Variants in ADGRB3 observed in about 807,000 individuals in gnomAD.
The protein encoded by ADGRB3 is brain-specific angiogenesis inhibitor 3.
ADGRB3 carries 37 observed loss-of-function variants against 193.4 expected under a neutral mutation model. The ratio of observed to expected loss-of-function variants is 0.19; its 90% CI spans 0.15 to 0.25. The LOEUF (loss-of-function observed/expected upper bound fraction) is 0.25, where lower values mean the gene tolerates loss of function less well. ADGRB3 is among the 10% of genes least tolerant of loss of function. ADGRB3 has a pLI of 1.00. For missense variants in ADGRB3, 1,637 were observed against 1,852.9 expected (o/e 0.88, Z 2.14); for synonymous variants, 690 against 644.2 (o/e 1.07, Z -1.08).
intron 3 of ADGRB3, among the ~76,000 whole-genome samples, chr6:68,644,913 A>G (rs1265893175): frequency 6.6e-6 from 1 of 152,178 alleles, no homozygotes; most frequent in East Asian, 1.9e-4. Context: ...ACAGCTGTAG[A>G]TTAATGTACT....
Position 69,325,042 on chromosome 6 carries a change from G to A in ADGRB3, c.2965+20G>A, listed in dbSNP as rs377255084. 6.1e-5 allele frequency: 98 copies of A among 1,601,092 alleles called. No homozygotes were observed. The highest frequency in any genetic ancestry group is 7.6e-5 in the Non-Finnish European group (89 of 1,173,114). ...GATGGGGTAAGCATATTGATATACCGTTTCATGCTCTTCTCAAAATGACGT... is the reference window on the plus strand; with the variant it reads ...GATGGGGTAAGCATATTGATATACCATTTCATGCTCTTCTCAAAATGACGT... On this transcript the variant is annotated intron_variant, in intron 21 of 31. Coordinates refer to ENST00000370598, the MANE Select transcript of ADGRB3 (RefSeq NM_001704.3).
chr6:68,984,995 A>T (rs1769029656), intron 10 of ADGRB3, among the ~76,000 whole-genome samples: 1 of 152,128 alleles, frequency 6.6e-6, no homozygotes, highest in African/African-American at 2.4e-5. Context: ...ATGAAAAGGT[A>T]TAAAACAGTA....
chr6:68,786,037 T>C (rs1766961272), intron 3 of ADGRB3, among the ~76,000 whole-genome samples: 1 of 151,936 alleles, frequency 6.6e-6, no homozygotes, highest in South Asian at 2.1e-4. Context: ...GAGTTCATTG[T>C]AGATTCTGGA....
At chr6:69,005,953 C>T (rs1769737355) in intron 11 of ADGRB3, among the ~76,000 whole-genome samples, 1 of 152,094 alleles carries the variant, frequency 6.6e-6, no homozygotes, top group South Asian at 2.1e-4. Flanking sequence ...TTTCAGTTGC[C>T]AGTGCTCAAT....
chr6:68,870,720 T>C (rs959963419), intron 3 of ADGRB3, among the ~76,000 whole-genome samples: 16 of 152,226 alleles, frequency 1.1e-4, no homozygotes, highest in Admixed American at 6.5e-5. Context: ...GAGCAAGTTA[T>C]TGAACATTTC....
chr6:68,951,211 G>A (rs1390923829), intron 6 of ADGRB3, among the ~76,000 whole-genome samples: 2 of 152,066 alleles, frequency 1.3e-5, no homozygotes, highest in African/African-American at 2.4e-5. Context: ...TTATTTTACA[G>A]TCCTCAGCCC....
intron 17 of ADGRB3, among the ~76,000 whole-genome samples, chr6:69,109,121 G>A (rs994822393): frequency 5.3e-5 from 8 of 152,168 alleles, no homozygotes; most frequent in African/African-American, 9.7e-5. Flanking sequence ...ACTACCCACC[G>A]TAGTGGCCTA....
At chr6:69,071,907 T>G (rs1562146743) in intron 16 of ADGRB3, among the ~76,000 whole-genome samples, 3 of 152,172 alleles carry the variant, frequency 2.0e-5, no homozygotes, top group Non-Finnish European at 4.4e-5. Flanking sequence ...TTATTGATTT[T>G]CTGTAAATTC....
chr6:69,055,438 A>G (rs1251915512), intron 15 of ADGRB3, among the ~76,000 whole-genome samples: 1 of 152,106 alleles, frequency 6.6e-6, no homozygotes, highest in Non-Finnish European at 1.5e-5. Flanking sequence ...CTTTGGGTTC[A>G]TTTGTCTTGT....
At chr6:69,014,174 A>T in intron 12 of ADGRB3, 68 bp downstream of exon 12, 1 of 1,145,874 alleles carries the variant, frequency 8.7e-7, no homozygotes, top group Non-Finnish European at 1.3e-6. Context: ...TGACTAAATT[A>T]ATGGCTTGCT....
chr6:69,323,475 G>A (rs576617240), intron 20 of ADGRB3, among the ~76,000 whole-genome samples: 2 of 152,046 alleles, frequency 1.3e-5, no homozygotes, highest in Non-Finnish European at 2.9e-5. Flanking sequence ...TGAGACTAGA[G>A]TATAGGTATG....
In ADGRB3 at chr6:69,304,100, A is replaced by ATTT. The variant is rs1561982212; in HGVS notation, c.2815-20772_2815-20771insTTT. ...AACCAAAATACAAGGGTTTTTTTTAAAAAAAAGAGGTTATATAATTATTTT... is the reference window on the plus strand; with the variant it reads ...AACCAAAATACAAGGGTTTTTTTTAATTTAAAAAAGAGGTTATATAATTATTTT... On this transcript the variant is annotated intron_variant, in intron 20 of 31. Transcript: ENST00000370598. Among the ~76,000 whole-genome samples, 145 of 150,638 alleles carry ATTT rather than the reference A, an allele frequency of 9.6e-4. 2 individuals are homozygous for ATTT. The Middle Eastern group carries it at 0.014, about 14-fold the overall frequency.
intron 17 of ADGRB3, among the ~76,000 whole-genome samples, chr6:69,161,363 T>G (rs189706724): frequency 2.6e-5 from 4 of 152,102 alleles, no homozygotes; most frequent in African/African-American, 7.2e-5. Context: ...GAACAAAGAT[T>G]TATCAAAAAA....
intron 3 of ADGRB3, among the ~76,000 whole-genome samples, chr6:68,793,182 C>G (rs1214760447): frequency 6.6e-6 from 1 of 152,088 alleles, no homozygotes; most frequent in Non-Finnish European, 1.5e-5. Context: ...GTGTACATGT[C>G]CTGTAAACTG....
intron 16 of ADGRB3, among the ~76,000 whole-genome samples, chr6:69,067,823 T>C (rs1050044728): frequency 6.6e-6 from 1 of 152,190 alleles, no homozygotes; most frequent in Non-Finnish European, 1.5e-5. Context: ...CCTAAATTTC[T>C]TCAGTAGACA....
intron 3 of ADGRB3, among the ~76,000 whole-genome samples, chr6:68,668,244 T>C (rs776544623): frequency 2.6e-5 from 4 of 151,998 alleles, no homozygotes; most frequent in African/African-American, 4.8e-5. Flanking sequence ...TGGCCATCTT[T>C]ATGGCAGAAA....
intron 3 of ADGRB3, among the ~76,000 whole-genome samples, chr6:68,743,174 C>G (rs1022376220): frequency 4.0e-5 from 6 of 151,864 alleles, no homozygotes; most frequent in African/African-American, 1.2e-4. Flanking sequence ...ATTCCTATTA[C>G]TTGGGTATGA....
At chr6:68,956,301 A>ATGTG (rs3831272) in intron 7 of ADGRB3, 113 bp downstream of exon 7, 110 of 879,342 alleles carry the variant, frequency 1.3e-4, no homozygotes, top group African/African-American at 1.6e-4. Context: ...TTATATATAT[A>ATGTG]TGTGTGTGTG....
At chr6:68,782,575 T>A (rs1766876938) in intron 3 of ADGRB3, among the ~76,000 whole-genome samples, 1 of 152,134 alleles carries the variant, frequency 6.6e-6, no homozygotes, top group South Asian at 2.1e-4. Flanking sequence ...TTGAACTAGT[T>A]TACAGTCCCA....
Sources: gnomAD v4.1 joint callset for allele counts (sites outside exome capture counted in the v4.1 genomes callset) on GRCh38, gnomAD v4.1.1 for gene constraint, MANE v1.5 for transcripts, NCBI Gene and HGNC (gene_info 2026-07-23, HGNC 2026-07-21) for gene names.